Variants in MED17 observed in about 807,000 individuals in gnomAD.
The protein encoded by MED17 is mediator of RNA polymerase II transcription subunit 17.
In MED17, 49 loss-of-function variants were observed where a neutral mutation model predicts 80.8. The observed-to-expected ratio is 0.61, with a 90% CI of 0.48 to 0.77. The LOEUF (loss-of-function observed/expected upper bound fraction) is 0.77, where lower values mean the gene tolerates loss of function less well. Among genes scored for constraint, MED17 ranks in the 30% least tolerant of loss-of-function variants. MED17 has a pLI of 0.00. For synonymous variants in MED17, 281 were observed against 280.4 expected (o/e 1.00, Z -0.02); for missense variants, 718 against 787.0 (o/e 0.91, Z 1.05).
chr11:93,795,694 A>C (rs1429818453), intron 6 of MED17: 6 of 153,506 alleles, frequency 3.9e-5, no homozygotes, highest in Non-Finnish European at 8.7e-5. Context: ...TTTTTACATA[A>C]ATTCTAAGGA....
Position 93,801,864 on chromosome 11 carries a change from GC to G in MED17, c.1360del (p.Arg454GlufsTer22). On this transcript the variant is annotated frameshift_variant, in exon 9 of 12. Transcript: ENST00000251871. LOFTEE classifies it high-confidence loss of function. ...RAAATIDSLA[S>X]RIEDPQIQAH... ...GCTGCAACCATTGACAGCTTAGCAA[GC>G]CGAATTGAGGATCCTCAGATACAGG... 1 of 1,613,616 alleles carries G rather than the reference GC, an allele frequency of 6.2e-7. No homozygotes were observed. Among genetic ancestry groups the G allele is most frequent in the South Asian group, 1.1e-5 (1 of 91,036 alleles).
chr11:93,798,765 A>ATG (rs1472215605), intron 8 of MED17, among the ~76,000 whole-genome samples: 1 of 152,138 alleles, frequency 6.6e-6, no homozygotes, highest in Non-Finnish European at 1.5e-5. Flanking sequence ...TAAATGATGT[A>ATG]TGTAGAAGTT....
At chr11:93,806,287 A>G (rs1409095572) in intron 9 of MED17, 1 of 151,856 alleles carries the variant, frequency 6.6e-6, no homozygotes, top group Non-Finnish European at 1.5e-5. Flanking sequence ...TTTTTTTATT[A>G]CAATTTTATG....
chr11:93,788,350 C>T (rs935461738), intron 2 of MED17, 183 bp downstream of exon 2: 16 of 556,914 alleles, frequency 2.9e-5, no homozygotes, highest in South Asian at 1.7e-4. Flanking sequence ...TTATTATATA[C>T]CTATGATCCT....
chr11:93,784,621 G>T lies in MED17; in HGVS notation c.108G>T (p.Met36Ile). 1 of 1,595,594 alleles carries T rather than the reference G, an allele frequency of 6.3e-7. No individual in the cohort carries two copies. Among genetic ancestry groups the T allele is most frequent in the Non-Finnish European group, 8.5e-7 (1 of 1,172,300 alleles). The change falls in exon 1 of 12, where the codon ATG (methionine) becomes ATT (isoleucine). Residue 36 changes from methionine to isoleucine, a missense_variant. Transcript: ENST00000251871. ...AGACGTACCTGCCCCCGCTGTCCATGTCGCAGAATCTGGCGCGTCTGGCCC... is the reference window on the plus strand; with the variant it reads ...AGACGTACCTGCCCCCGCTGTCCATTTCGCAGAATCTGGCGCGTCTGGCCC... ...GTETYLPPLS[M>I]SQNLARLAQR...
intron 7 of MED17, 163 bp from the exon 8 acceptor site, chr11:93,797,372 A>G (rs753793162): frequency 1.5e-6 from 1 of 674,786 alleles, no homozygotes; most frequent in South Asian, 1.7e-5. Flanking sequence ...GTCTTGCATT[A>G]TGTGTGACCT....
In MED17 at chr11:93,812,716, G is replaced by T. The variant is rs557560538; in HGVS notation, c.*652G>T. On this transcript the variant is annotated 3_prime_UTR_variant, in exon 12 of 12. Coordinates refer to ENST00000251871, the MANE Select transcript of MED17 (RefSeq NM_004268.5). ...CTCCCAAAGTGCTAGGATTACAGGCGTGAGCCACCATGCCCAGCCTACTCT... is the reference window on the plus strand; with the variant it reads ...CTCCCAAAGTGCTAGGATTACAGGCTTGAGCCACCATGCCCAGCCTACTCT... The T allele has an allele frequency of 1.3e-5, 2 of 153,582 alleles. No individual in the cohort carries two copies. Among genetic ancestry groups the T allele is most frequent in the African/African-American group, 2.4e-5 (1 of 41,418 alleles). The allele number at this position is 153,582 out of a possible 1,614,324, so 9.5% of individuals were successfully genotyped here.
In MED17 at chr11:93,801,819, T is replaced by G. The variant is rs765207981; in HGVS notation, c.1329-16T>G. ...ATGGTGACTTAAAAAGTTTTTTAAC[T>G]TCTTGTATTTAAAAGAGCTGCTGCA... is the stretch of plus-strand genomic sequence containing the variant. On this transcript the variant is annotated splice_polypyrimidine_tract_variant and intron_variant, in intron 8 of 11. Coordinates refer to ENST00000251871, the MANE Select transcript of MED17 (RefSeq NM_004268.5). The G allele has an allele frequency of 1.9e-6, 3 of 1,611,888 alleles. No homozygotes were observed. In the Admixed American group the frequency reaches 5.0e-5, roughly 27 times the overall value.
Position 93,813,526 on chromosome 11 carries a change from T to A in MED17, c.*1462T>A, listed in dbSNP as rs1186608259. 2.0e-5 allele frequency: 3 copies of A among 152,200 alleles called. No homozygotes were observed. The highest frequency in any genetic ancestry group is 7.2e-5 in the African/African-American group (3 of 41,454). The allele number at this position is 152,200 out of a possible 1,614,324, so 9.4% of individuals were successfully genotyped here. ...TTCCACTCACATAAGGAGTCTTTTA[T>A]GTGATTTTGAAGGCTCAGGCTAGAA... On this transcript the variant is annotated 3_prime_UTR_variant, in exon 12 of 12. Coordinates refer to ENST00000251871, the MANE Select transcript of MED17 (RefSeq NM_004268.5).
At chr11:93,801,794 A>G (rs772582063) in intron 8 of MED17, 41 bp from the exon 9 acceptor site, 10 of 1,582,680 alleles carry the variant, frequency 6.3e-6, no homozygotes, top group East Asian at 4.5e-5. Flanking sequence ...ATCATTTTGT[A>G]TGGTGACTTA....
intron 1 of MED17, among the ~76,000 whole-genome samples, chr11:93,786,530 A>C (rs1943772529): frequency 6.6e-6 from 1 of 151,446 alleles, no homozygotes; most frequent in Admixed American, 6.6e-5. Flanking sequence ...GCAGTGGTGC[A>C]ATCTCGGCTC....
intron 3 of MED17, among the ~76,000 whole-genome samples, chr11:93,792,799 G>A (rs1304980634): frequency 6.6e-6 from 1 of 151,982 alleles, no homozygotes; most frequent in Non-Finnish European, 1.5e-5. Flanking sequence ...AAATTAGCTG[G>A]GTGTGATGGC....
In MED17 at chr11:93,784,572, A is replaced by T. The variant is rs1157960077; in HGVS notation, c.59A>T (p.His20Leu). Residue 20 changes from histidine (H) to leucine (L), a missense_variant, in exon 1 of 12, where the codon CAT (histidine) becomes CTT (leucine). Physicochemically the swap from His to Leu is moderately conservative, Grantham distance 99. Transcript: ENST00000251871. ...SIESACEKQV[H>L]EVGLDGTETY... ...GAATCGGCCTGCGAGAAGCAGGTCC[A>T]TGAGGTGGGCCTGGATGGCACCGAG... The T allele has an allele frequency of 4.3e-6, 7 of 1,612,212 alleles. No individual in the cohort carries two copies. In the African/African-American group the frequency reaches 6.7e-5, roughly 15 times the overall value.
chr11:93,784,408 CG>C lies in MED17; in HGVS notation c.-104del. 7.1e-7 allele frequency: 1 copy of C among 1,417,934 alleles called. No individual in the cohort carries two copies. The highest frequency in any genetic ancestry group is 9.4e-7 in the Non-Finnish European group (1 of 1,068,226). The allele number at this position is 1,417,934 out of a possible 1,614,324, so 87.8% of individuals were successfully genotyped here. On this transcript the variant is annotated 5_prime_UTR_variant, in exon 1 of 12. Coordinates refer to ENST00000251871, the MANE Select transcript of MED17 (RefSeq NM_004268.5). Reference sequence around the variant, plus strand: ...TTCCCGAGGGTCTTCTGAGGCACCGCGGCTGCGGGCTTCTGAGTTCCCGGCT... The same window carrying C: ...TTCCCGAGGGTCTTCTGAGGCACCGCGCTGCGGGCTTCTGAGTTCCCGGCT...
In MED17 at chr11:93,797,661, A is replaced by G. The variant is rs916785618; in HGVS notation, c.1270A>G (p.Ser424Gly). The G allele has an allele frequency of 6.2e-7, 1 of 1,613,796 alleles. No individual in the cohort carries two copies. Among genetic ancestry groups the G allele is most frequent in the African/African-American group, 1.3e-5 (1 of 74,928 alleles). ...DKNEINSLQS[S>G]EGLLEKIIKQ... ...AAATGAAATTAATTCATTACAGTCC[A>G]GTGAAGGGCTTCTGGAAAAAATAAT... Residue 424 changes from serine to glycine, a missense_variant, in exon 8 of 12, where the codon AGT becomes GGT. Ser to Gly is a moderately conservative substitution (Grantham distance 56, BLOSUM62 0). Transcript: ENST00000251871.
chr11:93,786,847 T>G (rs959310018), intron 1 of MED17, among the ~76,000 whole-genome samples: 1 of 152,174 alleles, frequency 6.6e-6, no homozygotes, highest in Non-Finnish European at 1.5e-5. Flanking sequence ...GTTGCACATA[T>G]ACAGGGTATA....
intron 6 of MED17, 185 bp downstream of exon 6, chr11:93,795,245 A>G (rs1463765492): frequency 2.9e-6 from 2 of 701,280 alleles, no homozygotes; most frequent in Non-Finnish European, 2.4e-6. Flanking sequence ...TGTCCTAAAT[A>G]GTGTGACCCT....
rs767029920 is a variant in MED17, at chr11:93,796,483, A to G, written c.1086A>G (p.Gln362=). The G allele has an allele frequency of 3.7e-5, 60 of 1,613,960 alleles. No individual in the cohort carries two copies. The highest frequency in any genetic ancestry group is 6.7e-5 in the African/African-American group (5 of 74,940). ...CCCAAAAATTTGCTACTGAGAAGCA[A>G]TGTCCGGAGGACCACCTTTATGTCC... is the stretch of plus-strand genomic sequence containing the variant. ...KKSQKFATEK[Q]CPEDHLYVLE... The change falls in exon 7 of 12, where the codon CAA becomes CAG. Residue 362 remains glutamine, a synonymous_variant. Coordinates refer to ENST00000251871, the MANE Select transcript of MED17 (RefSeq NM_004268.5).
Position 93,811,840 on chromosome 11 carries a change from T to C in MED17, c.1745-13T>C, listed in dbSNP as rs1233821367. 1.2e-6 allele frequency: 2 copies of C among 1,613,754 alleles called. No individual in the cohort carries two copies. Among genetic ancestry groups the C allele is most frequent in the Middle Eastern group, 1.7e-4 (1 of 6,060 alleles). ...AAACTAGAGTGTATTGATATTTTGG[T>C]TTTTCTCCACAGTTCGTAATGGACC... is the stretch of plus-strand genomic sequence containing the variant. On this transcript the variant is annotated splice_polypyrimidine_tract_variant and intron_variant, in intron 11 of 11. Transcript: ENST00000251871.
Sources: allele counts gnomAD v4.1 joint callset (sites outside exome capture counted in the v4.1 genomes callset), GRCh38; gene constraint gnomAD v4.1.1; transcripts MANE v1.5; gene names NCBI Gene and HGNC (gene_info 2026-07-23, HGNC 2026-07-21).